SLC16A7: variants seen among roughly 807,000 people sequenced by gnomAD.
The protein encoded by SLC16A7 is solute carrier family 16 member 7.
Under a neutral mutation model 34.9 loss-of-function variants are expected in SLC16A7, and 33 were observed. That is an observed-to-expected ratio of 0.94 (90% confidence interval 0.72 to 1.26). The LOEUF (loss-of-function observed/expected upper bound fraction) is 1.26, where lower values mean the gene tolerates loss of function less well. Among genes scored for constraint, SLC16A7 ranks in the 50% most tolerant of loss-of-function variants. The pLI, the probability that SLC16A7 is intolerant of heterozygous loss-of-function variation, is 0.00. For synonymous variants in SLC16A7, 201 were observed against 206.6 expected (o/e 0.97, Z 0.23); for missense variants, 573 against 578.1 (o/e 0.99, Z 0.09).
At chr12:59,769,471 TC>T (rs1323264650) in intron 3 of SLC16A7, 17 of 152,138 alleles carry the variant, frequency 1.1e-4, no homozygotes, top group Admixed American at 8.5e-4. Context: ...TTTTAGTTCT[TC>T]CCTCCAAACC....
At chr12:59,766,799 G>C (rs1196106721) in intron 3 of SLC16A7, among the ~76,000 whole-genome samples, 1 of 151,828 alleles carries the variant, frequency 6.6e-6, no homozygotes, top group Non-Finnish European at 1.5e-5. Context: ...TCTCTTTTTT[G>C]GTTGTGTCTC....
At chr12:59,777,419 G>A (rs539613902) in intron 5 of SLC16A7, among the ~76,000 whole-genome samples, 58 of 152,166 alleles carry the variant, frequency 3.8e-4, no homozygotes, top group African/African-American at 1.3e-3. Flanking sequence ...TATTATTGCT[G>A]TTACGTCTTA....
chr12:59,659,287 T>G (rs994416912), intron 2 of SLC16A7, among the ~76,000 whole-genome samples: 8 of 152,054 alleles, frequency 5.3e-5, no homozygotes, highest in Non-Finnish European at 7.4e-5. Flanking sequence ...ATTTAGCAGG[T>G]ATGAGTACAT....
chr12:59,647,994 C>T (rs538684492), intron 1 of SLC16A7, among the ~76,000 whole-genome samples: 1 of 152,078 alleles, frequency 6.6e-6, no homozygotes, highest in Non-Finnish European at 1.5e-5. Flanking sequence ...GTAAAAGCTG[C>T]AGTGAGCCAT....
At chr12:59,745,597 A>C (rs1441679294) in intron 3 of SLC16A7, among the ~76,000 whole-genome samples, 1 of 152,260 alleles carries the variant, frequency 6.6e-6, no homozygotes, top group Non-Finnish European at 1.5e-5. Flanking sequence ...CTCAGGAGAC[A>C]GAAGTATCAG....
chr12:59,757,293 A>G (rs911382242), intron 3 of SLC16A7, among the ~76,000 whole-genome samples: 1 of 151,250 alleles, frequency 6.6e-6, no homozygotes, highest in Non-Finnish European at 1.5e-5. Flanking sequence ...AAGAAGAAAT[A>G]CCTAATGTAG....
At chr12:59,609,448 G>C (rs112279415) in intron 1 of SLC16A7, among the ~76,000 whole-genome samples, 3,648 of 151,802 alleles carry the variant, frequency 0.024, 110 homozygotes, top group African/African-American at 0.068. Context: ...GCAGATAAGC[G>C]ACTTAGAGAA....
intron 3 of SLC16A7, among the ~76,000 whole-genome samples, chr12:59,717,522 A>G (rs1226486221): frequency 6.6e-6 from 1 of 152,148 alleles, no homozygotes; most frequent in Admixed American, 6.5e-5. Context: ...TTGTGGCAAA[A>G]ATATTACTTA....
chr12:59,637,826 C>G (rs1162081771), intron 1 of SLC16A7, among the ~76,000 whole-genome samples: 2 of 152,078 alleles, frequency 1.3e-5, no homozygotes, highest in Non-Finnish European at 2.9e-5. Flanking sequence ...GGATTAATGC[C>G]TTTATCATGT....
At chr12:59,686,121 G>A (rs1445411192) in intron 2 of SLC16A7, among the ~76,000 whole-genome samples, 3 of 145,986 alleles carry the variant, frequency 2.1e-5, no homozygotes, top group Admixed American at 6.8e-5. Context: ...TTTTTTGCAG[G>A]GGAGGGTCCC....
intron 1 of SLC16A7, among the ~76,000 whole-genome samples, chr12:59,636,832 C>A (rs115346868): frequency 3.9e-5 from 6 of 152,100 alleles, no homozygotes; most frequent in Non-Finnish European, 7.4e-5. Context: ...AATCCAGATG[C>A]TAATCCTTAA....
Position 59,774,870 on chromosome 12 carries a change from G to T in SLC16A7, c.575G>T (p.Gly192Val), listed in dbSNP as rs1304943233. The stretch of plus-strand genomic sequence containing the variant: ...CTACTTTTGAATGCCTGTGTGGCTG[G>T]TTCCCTCATGAGACCCCTTGGACCC... ...GSLLLNACVA[G>V]SLMRPLGPNQ... The change falls in exon 5 of 6, where the codon GGT (glycine) becomes GTT (valine). Residue 192 changes from glycine to valine, a missense_variant. Physicochemically the swap from Gly to Val is moderately radical, Grantham distance 109 (BLOSUM62 -3). Coordinates refer to ENST00000547379, the MANE Select transcript of SLC16A7 (RefSeq NM_001270623.2). 1.2e-6 allele frequency: 2 copies of T among 1,613,844 alleles called. No individual in the cohort carries two copies. The highest frequency in any genetic ancestry group is 1.7e-6 in the Non-Finnish European group (2 of 1,179,942).
At chr12:59,679,358 A>G (rs2137069695) in intron 2 of SLC16A7, among the ~76,000 whole-genome samples, 1 of 152,304 alleles carries the variant, frequency 6.6e-6, no homozygotes, top group African/African-American at 2.4e-5. Flanking sequence ...AGCTGGCATC[A>G]TGTCAGTGGC....
intron 1 of SLC16A7, among the ~76,000 whole-genome samples, chr12:59,608,812 C>T (rs537208121): frequency 6.6e-6 from 1 of 152,162 alleles, no homozygotes; most frequent in South Asian, 2.1e-4. Flanking sequence ...ATACCTGAAT[C>T]CGTTATCTAC....
intron 2 of SLC16A7, among the ~76,000 whole-genome samples, chr12:59,671,478 A>G (rs1252785529): frequency 2.0e-5 from 3 of 151,968 alleles, no homozygotes; most frequent in Non-Finnish European, 4.4e-5. Context: ...CACACCTAGG[A>G]TTAAAATAGA....
chr12:59,705,074 A>G, intron 3 of SLC16A7, 56 bp downstream of exon 3: 3 of 1,179,258 alleles, frequency 2.5e-6, no homozygotes, highest in Non-Finnish European at 3.8e-6. Context: ...CCTCCATGTC[A>G]CAATGTTTTA....
rs142601273 is a variant in SLC16A7, at chr12:59,670,044, A to G, written c.-31+14794A>G. Among the ~76,000 whole-genome samples, 164 of 152,312 alleles carry G rather than the reference A, an allele frequency of 1.1e-3. 3 individuals are homozygous for G. The East Asian group carries it at 0.022, about 21-fold the overall frequency. On this transcript the variant is annotated intron_variant, in intron 2 of 5. Coordinates refer to ENST00000547379, the MANE Select transcript of SLC16A7 (RefSeq NM_001270623.2). ...ATTCTCTCTCCTTTGGAAACAAAAT[A>G]TCTGAAATCAAGGTGTCAGCTGGGC...
chr12:59,707,929 T>G (rs1161341503), intron 3 of SLC16A7, among the ~76,000 whole-genome samples: 1 of 152,140 alleles, frequency 6.6e-6, no homozygotes, highest in Non-Finnish European at 1.5e-5. Flanking sequence ...TCTAGGCCCA[T>G]TGTCTAGTGG....
rs1257275067 is a variant in SLC16A7, at chr12:59,785,700, A to G, written c.*6021A>G. 6.6e-6 allele frequency: 1 copy of G among 152,142 alleles called. No homozygotes were observed. Among genetic ancestry groups the G allele is most frequent in the Non-Finnish European group, 1.5e-5 (1 of 68,030 alleles). The allele number at this position is 152,142 out of a possible 1,614,324, so 9.4% of individuals were successfully genotyped here. On this transcript the variant is annotated 3_prime_UTR_variant, in exon 6 of 6. Coordinates refer to ENST00000547379, the MANE Select transcript of SLC16A7 (RefSeq NM_001270623.2). ...TATACTTGTTAATAAGGTGAGCAATATTCAGGAATATTTCAGTAGGCAATT... is the reference window on the plus strand; with the variant it reads ...TATACTTGTTAATAAGGTGAGCAATGTTCAGGAATATTTCAGTAGGCAATT...
Sources: gnomAD v4.1 joint callset for allele counts (sites outside exome capture counted in the v4.1 genomes callset) on GRCh38, gnomAD v4.1.1 for gene constraint, MANE v1.5 for transcripts, NCBI Gene and HGNC (gene_info 2026-07-23, HGNC 2026-07-21) for gene names.